Variants in PDZRN4 observed in about 807,000 individuals in gnomAD.
PDZRN4 encodes PDZ domain containing ring finger 4, also known as PDZ domain-containing RING finger protein 4.
Under a neutral mutation model 99.0 loss-of-function variants are expected in PDZRN4, and 70 were observed. The ratio of observed to expected loss-of-function variants is 0.71; its 90% CI spans 0.58 to 0.86. The LOEUF is 0.86. Among genes scored for constraint, PDZRN4 ranks in the 40% least tolerant of loss-of-function variants. The pLI, the probability that PDZRN4 is intolerant of heterozygous loss-of-function variation, is 0.00. For missense variants in PDZRN4, 1,474 were observed against 1,331.2 expected (o/e 1.11, Z -1.67); for synonymous variants, 551 against 501.6 (o/e 1.10, Z -1.32).
At chr12:41,517,189 GA>G (rs1431334315) in intron 5 of PDZRN4, among the ~76,000 whole-genome samples, 1 of 152,026 alleles carries the variant, frequency 6.6e-6, no homozygotes, top group Non-Finnish European at 1.5e-5. Context: ...AGAAAACAAT[GA>G]AAAGTAAATT....
intron 3 of PDZRN4, among the ~76,000 whole-genome samples, chr12:41,354,561 A>G (rs569954946): frequency 2.0e-5 from 3 of 152,102 alleles, no homozygotes; most frequent in Admixed American, 6.6e-5. Context: ...TGAATTCATA[A>G]ATGAAGGAGA....
intron 3 of PDZRN4, among the ~76,000 whole-genome samples, chr12:41,278,735 T>C (rs1009940735): frequency 6.6e-6 from 1 of 152,170 alleles, no homozygotes; most frequent in African/African-American, 2.4e-5. Context: ...CAGCGGAAAA[T>C]GCTACATCAC....
At chr12:41,507,437 G>C (rs544719535) in intron 4 of PDZRN4, among the ~76,000 whole-genome samples, 23 of 152,216 alleles carry the variant, frequency 1.5e-4, no homozygotes, top group Admixed American at 4.6e-4. Context: ...TTGAGAGTTT[G>C]TAAGAGCAAT....
At chr12:41,455,234 A>G (rs1952808529) in intron 3 of PDZRN4, among the ~76,000 whole-genome samples, 1 of 152,220 alleles carries the variant, frequency 6.6e-6, no homozygotes, top group Admixed American at 6.5e-5. Flanking sequence ...TATAAAAGCA[A>G]GTATAAAATA....
intron 3 of PDZRN4, among the ~76,000 whole-genome samples, chr12:41,394,715 A>T (rs536169643): frequency 6.6e-6 from 1 of 152,146 alleles, no homozygotes; most frequent in East Asian, 1.9e-4. Flanking sequence ...CTTGCCATGC[A>T]TGCACCATCA....
intron 3 of PDZRN4, among the ~76,000 whole-genome samples, chr12:41,470,310 A>G (rs1952973769): frequency 6.6e-6 from 1 of 152,142 alleles, no homozygotes; most frequent in South Asian, 2.1e-4. Context: ...AATCTCCTCC[A>G]GGAGAGAAAA....
chr12:41,378,567 G>C (rs1224217543), intron 3 of PDZRN4, among the ~76,000 whole-genome samples: 3 of 104,504 alleles, frequency 2.9e-5, no homozygotes, highest in African/African-American at 1.1e-4. Flanking sequence ...TTATCACCTA[G>C]ACTGGAGTAC....
At chr12:41,199,460 A>G (rs183814392) in intron 3 of PDZRN4, among the ~76,000 whole-genome samples, 2 of 152,294 alleles carry the variant, frequency 1.3e-5, no homozygotes, top group Non-Finnish European at 2.9e-5. Flanking sequence ...GACTTCCCAA[A>G]GGATTAAAAA....
intron 3 of PDZRN4, among the ~76,000 whole-genome samples, chr12:41,208,558 C>G (rs1950865888): frequency 6.6e-6 from 1 of 151,908 alleles, no homozygotes; most frequent in Non-Finnish European, 1.5e-5. Context: ...AGAATAATCA[C>G]AACCTAATGC....
At chr12:41,565,339 GA>G (rs150298475) in intron 8 of PDZRN4, among the ~76,000 whole-genome samples, 15 of 128,274 alleles carry the variant, frequency 1.2e-4, no homozygotes, top group South Asian at 4.9e-4. Flanking sequence ...ATTGCCTATA[GA>G]AAAAAAAAAC....
At chr12:41,373,330 A>G (rs7960080) in intron 3 of PDZRN4, among the ~76,000 whole-genome samples, 90,486 of 151,830 alleles carry the variant, frequency 0.6, 27,138 homozygotes, top group East Asian at 0.78. Flanking sequence ...GAATTTCCTC[A>G]TCCTAATAAG....
chr12:41,369,658 C>T (rs12322069), intron 3 of PDZRN4, among the ~76,000 whole-genome samples: 4,374 of 151,820 alleles, frequency 0.029, 213 homozygotes, highest in African/African-American at 0.099. Flanking sequence ...TCTGTCTTTA[C>T]GCATTTATAT....
intron 3 of PDZRN4, among the ~76,000 whole-genome samples, chr12:41,346,372 G>GA (rs1951855111): frequency 1.3e-5 from 2 of 152,154 alleles, no homozygotes; most frequent in Non-Finnish European, 2.9e-5. Flanking sequence ...TGAGGCAGGA[G>GA]AATGGTGTAA....
intron 3 of PDZRN4, among the ~76,000 whole-genome samples, chr12:41,244,889 A>C (rs1591982785): frequency 7.3e-6 from 1 of 137,724 alleles, no homozygotes; most frequent in African/African-American, 2.7e-5. Context: ...ACGGGGTTTC[A>C]CCTTGTTAGC....
At position 41,188,858 on chromosome 12, in the gene PDZRN4, C is replaced by T; in HGVS notation, c.403C>T (p.Pro135Ser). The T allele has an allele frequency of 2.4e-6, 3 of 1,245,340 alleles. No homozygotes were observed. The highest frequency in any genetic ancestry group is 3.0e-6 in the Non-Finnish European group (3 of 994,648). 77.1% of individuals were successfully genotyped at this position (1,245,340 alleles called of 1,614,324 possible). ...GEVPARGGCG[P>S]TPRAGRGGGA... ...GGTGCCCGCGCGGGGGGGCTGCGGTCCGACACCCAGGGCTGGCCGGGGCGG... is the reference window on the plus strand; with the variant it reads ...GGTGCCCGCGCGGGGGGGCTGCGGTTCGACACCCAGGGCTGGCCGGGGCGG... Residue 135 changes from proline (P) to serine (S), a missense_variant, in exon 1 of 10, where the codon CCG becomes TCG. Pro to Ser is a moderately conservative substitution (Grantham distance 74). Transcript: ENST00000402685.
At chr12:41,378,434 T>A (rs1952097411) in intron 3 of PDZRN4, among the ~76,000 whole-genome samples, 2 of 152,120 alleles carry the variant, frequency 1.3e-5, no homozygotes, top group Admixed American at 6.6e-5. Flanking sequence ...GGTAATTTTC[T>A]TTTCTTGTAT....
intron 3 of PDZRN4, among the ~76,000 whole-genome samples, chr12:41,426,289 A>G (rs1056849455): frequency 6.6e-6 from 1 of 151,504 alleles, no homozygotes; most frequent in Admixed American, 6.6e-5. Flanking sequence ...TGCCCAACCC[A>G]TAACTGATCC....
chr12:41,538,884 T>C (rs10880094), intron 5 of PDZRN4, among the ~76,000 whole-genome samples: 62,415 of 151,742 alleles, frequency 0.41, 13,356 homozygotes, highest in African/African-American at 0.53. Context: ...TATATATGTG[T>C]GACAGTATAT....
intron 3 of PDZRN4, among the ~76,000 whole-genome samples, chr12:41,377,115 G>A (rs982007975): frequency 1.3e-5 from 2 of 152,080 alleles, no homozygotes; most frequent in African/African-American, 4.8e-5. Flanking sequence ...GTATCATACT[G>A]TTTTGATTAC....
Sources: allele counts gnomAD v4.1 joint callset (sites outside exome capture counted in the v4.1 genomes callset), GRCh38; gene constraint gnomAD v4.1.1; transcripts MANE v1.5; gene names NCBI Gene and HGNC (gene_info 2026-07-23, HGNC 2026-07-21).